CHST9: variants seen among roughly 807,000 people sequenced by gnomAD.
The protein encoded by CHST9 is GalNAc-4-sulfotransferase 2.
Under a neutral mutation model 44.4 loss-of-function variants are expected in CHST9, and 41 were observed. The ratio of observed to expected loss-of-function variants is 0.92; its 90% CI spans 0.72 to 1.20. CHST9 has a LOEUF of 1.20. CHST9 is among the 50% of genes most tolerant of loss of function. The pLI is 0.00. For synonymous variants in CHST9, 171 were observed against 178.4 expected, an observed-to-expected ratio of 0.96 and a Z score of 0.33; for missense variants, 504 against 516.5, an observed-to-expected ratio of 0.98 and a Z score of 0.23.
chr18:27,081,520 A>G (rs1028551921), intron 2 of CHST9, among the ~76,000 whole-genome samples: 2 of 152,168 alleles, frequency 1.3e-5, no homozygotes, highest in African/African-American at 4.8e-5. Flanking sequence ...TTCTTTGAGT[A>G]TGGAACTTGT....
At chr18:27,005,923 G>A (rs950564698) in intron 4 of CHST9, among the ~76,000 whole-genome samples, 9 of 152,126 alleles carry the variant, frequency 5.9e-5, no homozygotes, top group Admixed American at 2.6e-4. Flanking sequence ...AGGTACTACT[G>A]GGCTAGTAAC....
chr18:27,172,587 T>C lies in CHST9; in HGVS notation c.-97+12549A>G, dbSNP rs546164606. Among the ~76,000 whole-genome samples the C allele has an allele frequency of 4.6e-5, 7 of 152,154 alleles. No individual in the cohort carries two copies. In the East Asian group the frequency reaches 1.4e-3, roughly 29 times the overall value. On this transcript the variant is annotated intron_variant, in intron 1 of 5. Coordinates refer to ENST00000618847, the MANE Select transcript of CHST9 (RefSeq NM_031422.6). ...AAAACAATATCAAGTTTAAACTGATTACTAATATATTTGTCTTAATATAAG... is the reference window on the plus strand; with the variant it reads ...AAAACAATATCAAGTTTAAACTGATCACTAATATATTTGTCTTAATATAAG...
intron 4 of CHST9, among the ~76,000 whole-genome samples, chr18:26,980,902 A>G (rs549389747): frequency 6.6e-6 from 1 of 152,348 alleles, no homozygotes; most frequent in Admixed American, 6.5e-5. Flanking sequence ...CCCAGTGCAG[A>G]AAGAATATGT....
rs376055505 is a variant in CHST9 at position 27,129,282 on chromosome 18, C to T, written c.121+13407G>A. ...CCTTATTTTATTTTCAAGTTTTATA[C>T]TTCTTTGGTCTGTGATGAATTAGAG... On this transcript the variant is annotated intron_variant, in intron 2 of 5. Coordinates refer to ENST00000618847, the MANE Select transcript of CHST9 (RefSeq NM_031422.6). 3.3e-5 allele frequency among the ~76,000 whole-genome samples: 5 copies of T among 152,168 alleles called. No homozygotes were observed. In the East Asian group the frequency reaches 9.6e-4, roughly 29 times the overall value.
chr18:27,029,095 G>A (rs1598652513), intron 3 of CHST9, among the ~76,000 whole-genome samples: 1 of 152,208 alleles, frequency 6.6e-6, no homozygotes, highest in East Asian at 1.9e-4. Flanking sequence ...ATTGTGGTGG[G>A]TTGGGTGTGC....
chr18:27,067,783 T>A (rs1296793717), intron 2 of CHST9, among the ~76,000 whole-genome samples: 1 of 152,180 alleles, frequency 6.6e-6, no homozygotes, highest in Non-Finnish European at 1.5e-5. Flanking sequence ...TCCAGTTTAG[T>A]TTATTAAGCC....
At chr18:26,968,964 T>C (rs1320543889) in intron 4 of CHST9, among the ~76,000 whole-genome samples, 2 of 152,018 alleles carry the variant, frequency 1.3e-5, no homozygotes, top group Admixed American at 1.3e-4. Flanking sequence ...ACACTCACTC[T>C]GTTCCATTGA....
chr18:27,173,045 G>C (rs2058844611), intron 1 of CHST9, among the ~76,000 whole-genome samples: 1 of 151,898 alleles, frequency 6.6e-6, no homozygotes, highest in African/African-American at 2.4e-5. Flanking sequence ...ACAGTATGAG[G>C]AATATTTTAA....
chr18:27,007,945 T>C (rs574770460), intron 4 of CHST9, among the ~76,000 whole-genome samples: 3 of 152,142 alleles, frequency 2.0e-5, no homozygotes, highest in South Asian at 2.1e-4. Flanking sequence ...ATTTATTTTT[T>C]GGTGGGGGAG....
intron 2 of CHST9, among the ~76,000 whole-genome samples, chr18:27,097,550 C>T (rs2058129336): frequency 2.6e-5 from 4 of 152,008 alleles, no homozygotes; most frequent in Admixed American, 2.0e-4. Flanking sequence ...ACTATGGTTT[C>T]AGGGTATAAA....
At chr18:26,999,284 A>T (rs2145223392) in intron 4 of CHST9, among the ~76,000 whole-genome samples, 1 of 152,386 alleles carries the variant, frequency 6.6e-6, no homozygotes, top group South Asian at 2.1e-4. Flanking sequence ...ACTTTCTGAA[A>T]TCATTTTTAT....
At chr18:27,065,508 G>A (rs974279075) in intron 2 of CHST9, among the ~76,000 whole-genome samples, 3 of 151,476 alleles carry the variant, frequency 2.0e-5, no homozygotes, top group Admixed American at 1.3e-4. Flanking sequence ...TGAGACTCCT[G>A]GTATAGTCCA....
At chr18:27,019,565 CAA>C (rs1030428956) in intron 4 of CHST9, among the ~76,000 whole-genome samples, 4 of 151,636 alleles carry the variant, frequency 2.6e-5, no homozygotes, top group Non-Finnish European at 4.4e-5. Context: ...TCAGAAGAGT[CAA>C]GTTTTAGATT....
intron 2 of CHST9, among the ~76,000 whole-genome samples, chr18:27,095,084 T>G (rs1347907405): frequency 1.3e-5 from 2 of 152,144 alleles, no homozygotes; most frequent in East Asian, 3.9e-4. Context: ...GTGTATTACA[T>G]AAAAAGTTTA....
At chr18:26,961,812 C>T (rs1413950840) in intron 4 of CHST9, among the ~76,000 whole-genome samples, 3 of 152,162 alleles carry the variant, frequency 2.0e-5, no homozygotes, top group Admixed American at 6.5e-5. Context: ...GGATAAGAAA[C>T]ATGGGTGAGG....
chr18:26,943,226 A>T (rs1250404170), intron 5 of CHST9, among the ~76,000 whole-genome samples: 1 of 152,266 alleles, frequency 6.6e-6, no homozygotes, highest in East Asian at 1.9e-4. Context: ...CTACAAGTCA[A>T]CATGTACAAC....
intron 1 of CHST9, among the ~76,000 whole-genome samples, chr18:27,161,480 TTGTTA>T (rs1300788450): frequency 6.6e-6 from 1 of 152,178 alleles, no homozygotes; most frequent in East Asian, 1.9e-4. Context: ...GAGGGACAGT[TTGTTA>T]TAATTTCTAT....
chr18:26,962,944 AC>A (rs2056419293), intron 4 of CHST9, among the ~76,000 whole-genome samples: 1 of 152,208 alleles, frequency 6.6e-6, no homozygotes, highest in Non-Finnish European at 1.5e-5. Flanking sequence ...AGCCAGAGAA[AC>A]AGTTTTGTAA....
At chr18:26,965,176 G>T (rs531730382) in intron 4 of CHST9, among the ~76,000 whole-genome samples, 1 of 152,294 alleles carries the variant, frequency 6.6e-6, no homozygotes, top group East Asian at 1.9e-4. Flanking sequence ...ACTGTGAATG[G>T]ATTATGAGAC....
Sources: gnomAD v4.1 joint callset for allele counts (sites outside exome capture counted in the v4.1 genomes callset) on GRCh38, gnomAD v4.1.1 for gene constraint, MANE v1.5 for transcripts, NCBI Gene and HGNC (gene_info 2026-07-23, HGNC 2026-07-21) for gene names.